CDS1: variants seen among roughly 807,000 people sequenced by gnomAD.
The protein encoded by CDS1 is CDP-diacylglycerol synthase 1, also known as phosphatidate cytidylyltransferase 1.
Under a neutral mutation model 62.1 loss-of-function variants are expected in CDS1, and 41 were observed. The observed-to-expected ratio is 0.66, with a 90% CI of 0.51 to 0.86. The LOEUF is 0.86. Ranked by LOEUF, CDS1 falls within the 40% of genes least tolerant of loss-of-function variation. CDS1 has a pLI of 0.00. For synonymous variants in CDS1, 185 were observed against 192.6 expected, an observed-to-expected ratio of 0.96 and a Z score of 0.32; for missense variants, 470 against 550.1, an observed-to-expected ratio of 0.85 and a Z score of 1.46.
At chr4:84,608,466 G>A (rs531876580) in intron 2 of CDS1, among the ~76,000 whole-genome samples, 23 of 152,194 alleles carry the variant, frequency 1.5e-4, no homozygotes, top group East Asian at 3.9e-4. Flanking sequence ...GAGCCACCAC[G>A]CCCGGCCAAG....
rs148100862 is a variant in CDS1 at position 84,583,243 on chromosome 4, C to A, written c.-159C>A. The A allele has an allele frequency of 0.036, 19,861 of 547,980 alleles. 472 individuals carry two copies. The highest frequency in any genetic ancestry group is 0.053 in the South Asian group (2,330 of 43,802). 33.9% of individuals were successfully genotyped at this position (547,980 alleles called of 1,614,324 possible). On this transcript the variant is annotated 5_prime_UTR_variant, in exon 1 of 13. Transcript: ENST00000295887. ...GATGCCGTTTTGGAGGTGACCGGCGCGGCGGCCGCTCTATGGTGGGGCCGC... is the reference window on the plus strand; with the variant it reads ...GATGCCGTTTTGGAGGTGACCGGCGAGGCGGCCGCTCTATGGTGGGGCCGC...
chr4:84,587,412 G>A (rs544066374), intron 1 of CDS1, among the ~76,000 whole-genome samples: 160 of 152,288 alleles, frequency 1.1e-3, no homozygotes, highest in Non-Finnish European at 1.1e-3. Context: ...GTGACTGTGT[G>A]TTAGGAATAT....
At chr4:84,637,195 T>G (rs1416515291) in intron 8 of CDS1, among the ~76,000 whole-genome samples, 1 of 152,150 alleles carries the variant, frequency 6.6e-6, no homozygotes, top group Non-Finnish European at 1.5e-5. Flanking sequence ...TTTTAAAACG[T>G]TTCTAAAGCT....
chr4:84,589,959 C>A (rs185903159), intron 1 of CDS1, among the ~76,000 whole-genome samples: 1 of 152,126 alleles, frequency 6.6e-6, no homozygotes, highest in East Asian at 1.9e-4. Flanking sequence ...TACAGGCACC[C>A]GCCACCACGC....
At chr4:84,597,462 A>T (rs1722785094) in intron 1 of CDS1, among the ~76,000 whole-genome samples, 1 of 151,580 alleles carries the variant, frequency 6.6e-6, no homozygotes, top group Non-Finnish European at 1.5e-5. Context: ...ACATAGGGAG[A>T]CCCTGTCCCT....
chr4:84,593,476 C>CT (rs894434531), intron 1 of CDS1, among the ~76,000 whole-genome samples: 1 of 151,734 alleles, frequency 6.6e-6, no homozygotes, highest in African/African-American at 2.4e-5. Flanking sequence ...AGTATACACT[C>CT]TGATCAGCAG....
At chr4:84,641,883 C>G (rs1451076629) in intron 10 of CDS1, among the ~76,000 whole-genome samples, 1 of 152,186 alleles carries the variant, frequency 6.6e-6, no homozygotes, top group Non-Finnish European at 1.5e-5. Context: ...TGAGGAGTAG[C>G]TTAACAAATT....
At chr4:84,625,059 C>G (rs1027616099) in intron 5 of CDS1, among the ~76,000 whole-genome samples, 1 of 152,082 alleles carries the variant, frequency 6.6e-6, no homozygotes, top group Non-Finnish European at 1.5e-5. Flanking sequence ...TGGAGTTTCA[C>G]TATGTTGCTC....
At chr4:84,604,118 T>C in intron 1 of CDS1, 125 bp from the exon 2 acceptor site, 1 of 752,738 alleles carries the variant, frequency 1.3e-6, no homozygotes, top group African/African-American at 1.8e-5. Context: ...TCAAGATAAA[T>C]AGTAGTTTCT....
chr4:84,620,383 C>T (rs897382583), intron 5 of CDS1, among the ~76,000 whole-genome samples: 5 of 151,344 alleles, frequency 3.3e-5, no homozygotes, highest in African/African-American at 7.3e-5. Context: ...CCACCACACC[C>T]GACTAATTTT....
intron 1 of CDS1, among the ~76,000 whole-genome samples, chr4:84,590,341 A>G (rs1722555702): frequency 6.6e-6 from 1 of 152,220 alleles, no homozygotes; most frequent in East Asian, 1.9e-4. Flanking sequence ...CTCAAGTTAT[A>G]CTAATAAAAG....
intron 1 of CDS1, among the ~76,000 whole-genome samples, chr4:84,594,453 C>CG (rs1578017291): frequency 2.0e-5 from 3 of 151,868 alleles, no homozygotes; most frequent in South Asian, 4.2e-4. Context: ...TATAGATATA[C>CG]ATTTTTTTTT....
chr4:84,643,456 C>T (rs112054519), intron 11 of CDS1, among the ~76,000 whole-genome samples: 5,465 of 152,302 alleles, frequency 0.036, 105 homozygotes, highest in South Asian at 0.052. Flanking sequence ...AGCCGTGAAT[C>T]ATCTAAAGTT....
At chr4:84,643,377 A>G (rs899597400) in intron 11 of CDS1, among the ~76,000 whole-genome samples, 7 of 152,196 alleles carry the variant, frequency 4.6e-5, no homozygotes, top group Non-Finnish European at 8.8e-5. Context: ...CTTTATAGAC[A>G]TGGCATGTGT....
In CDS1 at chr4:84,648,711, A is replaced by G; in HGVS notation, c.*25A>G. 1.3e-6 allele frequency: 2 copies of G among 1,593,718 alleles called. No individual in the cohort carries two copies. Among genetic ancestry groups the G allele is most frequent in the Non-Finnish European group, 1.7e-6 (2 of 1,171,626 alleles). ...ACTGGATCCAGAGAGGGAAGGACTG[A>G]CAAGAAGGAATTATTCAGAAAAACA... On this transcript the variant is annotated 3_prime_UTR_variant, in exon 13 of 13. Coordinates refer to ENST00000295887, the MANE Select transcript of CDS1 (RefSeq NM_001263.4).
chr4:84,607,763 T>G (rs1050004723), intron 2 of CDS1, among the ~76,000 whole-genome samples: 1 of 152,086 alleles, frequency 6.6e-6, no homozygotes, highest in Non-Finnish European at 1.5e-5. Context: ...TGAGGACTTG[T>G]GCTTAGAATA....
At chr4:84,611,751 A>G (rs554206824) in intron 3 of CDS1, among the ~76,000 whole-genome samples, 4 of 152,246 alleles carry the variant, frequency 2.6e-5, no homozygotes, top group Admixed American at 1.3e-4. Context: ...AAAAATGGAT[A>G]ATAAATAGGA....
chr4:84,607,703 C>T (rs993071679), intron 2 of CDS1, among the ~76,000 whole-genome samples: 1 of 151,730 alleles, frequency 6.6e-6, no homozygotes, highest in African/African-American at 2.4e-5. Context: ...AGAGACCAGC[C>T]TGGGCAAGAT....
At chr4:84,629,372 A>C (rs1049239814) in intron 5 of CDS1, among the ~76,000 whole-genome samples, 2 of 151,592 alleles carry the variant, frequency 1.3e-5, no homozygotes, top group Admixed American at 6.6e-5. Flanking sequence ...AAAAAAAAAA[A>C]CCACAATGGA....
Sources: allele counts gnomAD v4.1 joint callset (sites outside exome capture counted in the v4.1 genomes callset), GRCh38; gene constraint gnomAD v4.1.1; transcripts MANE v1.5; gene names NCBI Gene and HGNC (gene_info 2026-07-23, HGNC 2026-07-21).